Variants in NKD1 observed in about 807,000 individuals in gnomAD.
NKD1 encodes protein naked cuticle homolog 1.
A neutral mutation model predicts 56.0 loss-of-function variants in NKD1; 21 were observed. The ratio of observed to expected loss-of-function variants is 0.38; its 90% CI spans 0.27 to 0.54. The LOEUF (loss-of-function observed/expected upper bound fraction) is 0.54, where lower values mean the gene tolerates loss of function less well. NKD1 is among the 20% of genes least tolerant of loss of function. NKD1 has a pLI of 0.82. For synonymous variants in NKD1, 263 were observed against 265.7 expected (o/e 0.99, Z 0.10); for missense variants, 578 against 642.7 (o/e 0.90, Z 1.09).
intron 3 of NKD1, 61 bp downstream of exon 3, chr16:50,549,616 C>T: frequency 6.9e-7 from 1 of 1,447,246 alleles, no homozygotes. Flanking sequence ...GATGGGTCCC[C>T]AAACCCATGC....
rs181820019 is a variant in NKD1, at chr16:50,629,106, C to T, written c.463-1080C>T. ...TCAGCCTTCCAAGTAGCTGGGACTA[C>T]AGGTGTGCACCACCACACATGGCTA... On this transcript the variant is annotated intron_variant, in intron 6 of 9. Transcript: ENST00000268459. Among the ~76,000 whole-genome samples, 3 of 152,242 alleles carry T rather than the reference C, an allele frequency of 2.0e-5. No homozygotes were observed. In the East Asian group the frequency reaches 5.8e-4, roughly 29 times the overall value.
In NKD1 at chr16:50,589,115, G is replaced by A. The variant is rs539221743; in HGVS notation, c.193-19179G>A. 3.9e-5 allele frequency among the ~76,000 whole-genome samples: 6 copies of A among 152,140 alleles called. No individual in the cohort carries two copies. In the South Asian group the frequency reaches 6.2e-4, roughly 16 times the overall value. On this transcript the variant is annotated intron_variant, in intron 3 of 9. Transcript: ENST00000268459. ...CTAAAGGAAACCTAATGTCCTCTCC[G>A]ACCCCAGCACTCAGATCTTCCTCGT...
rs936156638 is a variant in NKD1, at chr16:50,636,995, C to G, written c.*3214C>G. On this transcript the variant is annotated 3_prime_UTR_variant, in exon 10 of 10. Transcript: ENST00000268459. ...GTAACTGAATATATTTGGAGATCTC[C>G]CTCCCTAGGTCATAGAGCTCTGCCC... 1 of 152,018 alleles carries G rather than the reference C, an allele frequency of 6.6e-6. No homozygotes were observed. Among genetic ancestry groups the G allele is most frequent in the African/African-American group, 2.4e-5 (1 of 41,362 alleles). The allele number at this position is 152,018 out of a possible 1,614,324, so 9.4% of individuals were successfully genotyped here. A position where few individuals can be genotyped will look rare whatever the true frequency, so the allele number is the denominator to read the frequency against.
chr16:50,579,991 A>C (rs1336842276), intron 3 of NKD1, among the ~76,000 whole-genome samples: 1 of 150,140 alleles, frequency 6.7e-6, no homozygotes, highest in Admixed American at 6.6e-5. Context: ...CACGCACCCT[A>C]ACCTGCTACA....
intron 3 of NKD1, among the ~76,000 whole-genome samples, chr16:50,572,267 C>T (rs942685902): frequency 1.3e-5 from 2 of 152,152 alleles, no homozygotes; most frequent in African/African-American, 4.8e-5. Context: ...TGTTATTCAC[C>T]TGTGGTGGCA....
intron 3 of NKD1, among the ~76,000 whole-genome samples, chr16:50,588,811 C>T (rs1235747762): frequency 6.6e-6 from 1 of 151,890 alleles, no homozygotes; most frequent in Non-Finnish European, 1.5e-5. Context: ...ACCATGTTGG[C>T]CAGGCTGGTC....
intron 3 of NKD1, chr16:50,556,304 C>A (rs1178724989): frequency 1.3e-5 from 2 of 152,302 alleles, no homozygotes; most frequent in African/African-American, 2.4e-5. Flanking sequence ...ACAAGCACTT[C>A]CAGAGACATA....
At chr16:50,595,531 C>G (rs1383387136) in intron 3 of NKD1, among the ~76,000 whole-genome samples, 1 of 152,084 alleles carries the variant, frequency 6.6e-6, no homozygotes, top group Admixed American at 6.5e-5. Context: ...CACCCAGGGG[C>G]ATGTCCTGAG....
chr16:50,629,199 G>A (rs1034540262), intron 6 of NKD1, among the ~76,000 whole-genome samples: 2 of 152,094 alleles, frequency 1.3e-5, no homozygotes, highest in Admixed American at 6.5e-5. Context: ...CTGGGCTGAA[G>A]TGATCCTCCC....
chr16:50,582,746 C>T (rs944627023), intron 3 of NKD1, among the ~76,000 whole-genome samples: 2 of 152,082 alleles, frequency 1.3e-5, no homozygotes, highest in South Asian at 2.1e-4. Flanking sequence ...CAGTGGCGCA[C>T]GCCTGTAATC....
chr16:50,602,670 C>T (rs542649970), intron 3 of NKD1, among the ~76,000 whole-genome samples: 20 of 152,318 alleles, frequency 1.3e-4, no homozygotes, highest in African/African-American at 4.6e-4. Flanking sequence ...TTCACCCACA[C>T]GGGGACAATC....
At position 50,621,667 on chromosome 16, in the gene NKD1, A is replaced by G. The variant is rs369900060; in HGVS notation, c.325A>G (p.Ser109Gly). 24 of 1,613,918 alleles carry G rather than the reference A, an allele frequency of 1.5e-5. No individual in the cohort carries two copies. Among genetic ancestry groups the G allele is most frequent in the Middle Eastern group, 3.3e-4 (2 of 6,082 alleles). The change falls in exon 5 of 10, where the codon AGC becomes GGC. Residue 109 changes from serine (S) to glycine (G), a missense_variant. Physicochemically the swap from Ser to Gly is moderately conservative, Grantham distance 56. Coordinates refer to ENST00000268459, the MANE Select transcript of NKD1 (RefSeq NM_033119.5). ...AGATGAGAAGAAGATGGAGAGAGTG[A>G]GCGAACCCTGCCCAGGCTCCAAGAA... ...SGDEKKMERV[S>G]EPCPGSKKQL...
At chr16:50,629,478 C>T (rs1009657431) in intron 6 of NKD1, among the ~76,000 whole-genome samples, 3 of 152,154 alleles carry the variant, frequency 2.0e-5, no homozygotes, top group Non-Finnish European at 2.9e-5. Context: ...CTGTTGATGC[C>T]CCCACTCCAT....
intron 8 of NKD1, among the ~76,000 whole-genome samples, chr16:50,631,480 A>C (rs916513065): frequency 5.3e-5 from 8 of 152,202 alleles, no homozygotes; most frequent in African/African-American, 9.7e-5. Context: ...GTTAACCTCT[A>C]GTGTGCAAAT....
At chr16:50,556,240 C>A in intron 3 of NKD1, 1 of 152,434 alleles carries the variant, frequency 6.6e-6, no homozygotes. Context: ...CGAAGGGCAG[C>A]CTGGTGATGC....
intron 6 of NKD1, among the ~76,000 whole-genome samples, chr16:50,626,324 C>T (rs1962213447): frequency 6.6e-6 from 1 of 152,212 alleles, no homozygotes; most frequent in South Asian, 2.1e-4. Context: ...GACCTTCTGA[C>T]AAGAGGCAGA....
chr16:50,628,891 C>G (rs569586480), intron 6 of NKD1, among the ~76,000 whole-genome samples: 43 of 151,978 alleles, frequency 2.8e-4, no homozygotes, highest in Middle Eastern at 3.4e-3. Flanking sequence ...CGCTTCCTGG[C>G]TTGCAGACGG....
chr16:50,589,304 C>T (rs938449446), intron 3 of NKD1, among the ~76,000 whole-genome samples: 1 of 152,236 alleles, frequency 6.6e-6, no homozygotes, highest in Non-Finnish European at 1.5e-5. Flanking sequence ...AGTTTCCTCG[C>T]GCCAGTCCCT....
rs1468310243 is a variant in NKD1, at chr16:50,548,551, A to G, written c.-3A>G. On this transcript the variant is annotated 5_prime_UTR_variant, in exon 1 of 10. Coordinates refer to ENST00000268459, the MANE Select transcript of NKD1 (RefSeq NM_033119.5). ...GGACGCTCCCGGCCGCCGCAGCCCCAGCATGGGGAAACTTCACTCCAAGCC... is the reference window on the plus strand; with the variant it reads ...GGACGCTCCCGGCCGCCGCAGCCCCGGCATGGGGAAACTTCACTCCAAGCC... The G allele has an allele frequency of 2.0e-6, 3 of 1,467,150 alleles. No homozygotes were observed. Among genetic ancestry groups the G allele is most frequent in the South Asian group, 1.3e-5 (1 of 77,740 alleles). The allele number at this position is 1,467,150 out of a possible 1,614,324, so 90.9% of individuals were successfully genotyped here.
Sources: gnomAD v4.1 joint callset for allele counts (sites outside exome capture counted in the v4.1 genomes callset) on GRCh38, gnomAD v4.1.1 for gene constraint, MANE v1.5 for transcripts, NCBI Gene and HGNC (gene_info 2026-07-23, HGNC 2026-07-21) for gene names.